Variants in OTUD7A observed in about 807,000 individuals in gnomAD.
OTUD7A encodes OTU deubiquitinase 7A, also known as OTU domain-containing protein 7A.
In OTUD7A, 12 loss-of-function variants were observed where a neutral mutation model predicts 65.7. That is an observed-to-expected ratio of 0.18 (90% CI 0.12 to 0.30). OTUD7A has a LOEUF of 0.30. Ranked by LOEUF, OTUD7A falls within the 10% of genes least tolerant of loss-of-function variation. OTUD7A has a pLI of 1.00. For synonymous variants in OTUD7A, 641 were observed against 586.3 expected (o/e 1.09, Z -1.35); for missense variants, 1,148 against 1,304.8 (o/e 0.88, Z 1.85).
At chr15:31,737,179 T>C (rs73378614) in intron 1 of OTUD7A, among the ~76,000 whole-genome samples, 4,651 of 152,268 alleles carry the variant, frequency 0.031, 240 homozygotes, top group African/African-American at 0.11. Flanking sequence ...AACCAGATAA[T>C]GTTTCTTAAT....
intron 1 of OTUD7A, among the ~76,000 whole-genome samples, chr15:31,657,527 T>A (rs532111915): frequency 6.7e-6 from 1 of 150,302 alleles, no homozygotes; most frequent in South Asian, 2.2e-4. Flanking sequence ...CCAGCTAATT[T>A]TTTTTTTGTA....
At chr15:31,817,063 G>T (rs1397758805) in intron 1 of OTUD7A, among the ~76,000 whole-genome samples, 1 of 152,102 alleles carries the variant, frequency 6.6e-6, no homozygotes, top group Non-Finnish European at 1.5e-5. Flanking sequence ...AAATAATGAA[G>T]TGATGCAGCT....
chr15:31,797,659 C>T (rs1391467060), intron 1 of OTUD7A, among the ~76,000 whole-genome samples: 2 of 152,186 alleles, frequency 1.3e-5, no homozygotes, highest in East Asian at 3.9e-4. Flanking sequence ...CAAAGGGAGT[C>T]GCCCGCCTTC....
intron 1 of OTUD7A, among the ~76,000 whole-genome samples, chr15:31,864,792 CACAA>C (rs773336904): frequency 9.1e-5 from 13 of 142,126 alleles, no homozygotes; most frequent in South Asian, 4.5e-4. Context: ...CACACACACA[CACAA>C]GTCAAAGCAA....
intron 1 of OTUD7A, among the ~76,000 whole-genome samples, chr15:31,768,658 G>GAA (rs56953817): frequency 7.5e-6 from 1 of 133,606 alleles, no homozygotes; most frequent in Admixed American, 7.5e-5. Flanking sequence ...CCATCACAAA[G>GAA]AAAAAAAAAA....
chr15:31,791,080 G>A (rs1895801619), intron 1 of OTUD7A, among the ~76,000 whole-genome samples: 1 of 152,160 alleles, frequency 6.6e-6, no homozygotes, highest in Admixed American at 6.5e-5. Context: ...AGGCTGGAGT[G>A]CAGTGGCTCG....
At chr15:31,810,833 T>TCTCCTAG (rs1210505769) in intron 1 of OTUD7A, among the ~76,000 whole-genome samples, 1 of 152,146 alleles carries the variant, frequency 6.6e-6, no homozygotes, top group Non-Finnish European at 1.5e-5. Flanking sequence ...AAAGTCAGTC[T>TCTCCTAG]CTCCTAGCTC....
In OTUD7A at chr15:31,477,822, G is replaced by C. The variant is rs1341906182; in HGVS notation, c.*5472C>G. The C allele has an allele frequency of 7.3e-6, 1 of 136,752 alleles. No individual in the cohort carries two copies. Among genetic ancestry groups the C allele is most frequent in the African/African-American group, 2.7e-5 (1 of 37,054 alleles). 8.5% of individuals were successfully genotyped at this position (136,752 alleles called of 1,614,324 possible). ...GGAGGCGAGAATCAAATAAATGGAT[G>C]AATGATTAACATCTGCAGCACTCAG... On this transcript the variant is annotated 3_prime_UTR_variant, in exon 13 of 13. Coordinates refer to ENST00000307050, the MANE Select transcript of OTUD7A (RefSeq NM_001382637.1).
At chr15:31,591,695 T>C (rs1889729194) in intron 3 of OTUD7A, among the ~76,000 whole-genome samples, 1 of 152,242 alleles carries the variant, frequency 6.6e-6, no homozygotes, top group African/African-American at 2.4e-5. Context: ...ACTCTCTCTA[T>C]AATATACATG....
chr15:31,543,776 G>A (rs1050883466), intron 5 of OTUD7A, among the ~76,000 whole-genome samples: 5 of 151,792 alleles, frequency 3.3e-5, no homozygotes, highest in Non-Finnish European at 7.4e-5. Flanking sequence ...AATAAAAGGA[G>A]ATATAGACAA....
chr15:31,752,744 G>A (rs546191639), intron 1 of OTUD7A, among the ~76,000 whole-genome samples: 2 of 152,200 alleles, frequency 1.3e-5, no homozygotes, highest in African/African-American at 4.8e-5. Context: ...AATGTTGACT[G>A]GAAAGCAACA....
At chr15:31,520,725 T>G (rs1027718826) in intron 8 of OTUD7A, among the ~76,000 whole-genome samples, 1 of 152,178 alleles carries the variant, frequency 6.6e-6, no homozygotes, top group African/African-American at 2.4e-5. Flanking sequence ...GAAAACAGTG[T>G]GGAGATTTCT....
Position 31,519,823 on chromosome 15 carries a change from T to A in OTUD7A, c.893+6526A>T, listed in dbSNP as rs75983194. ...AAAGTTTCAGGATACAACATTAACATAATGAAAGCAGTAGCATTTCTATAT... is the reference window on the plus strand; with the variant it reads ...AAAGTTTCAGGATACAACATTAACAAAATGAAAGCAGTAGCATTTCTATAT... On this transcript the variant is annotated intron_variant, in intron 8 of 12. Transcript: ENST00000307050. 3.2e-3 allele frequency among the ~76,000 whole-genome samples: 485 copies of A among 152,322 alleles called. 2 individuals are homozygous for A. Among genetic ancestry groups the A allele is most frequent in the African/African-American group, 0.011 (455 of 41,570 alleles).
intron 5 of OTUD7A, among the ~76,000 whole-genome samples, chr15:31,542,049 C>G (rs1888002396): frequency 6.6e-6 from 1 of 152,060 alleles, no homozygotes. Flanking sequence ...AAGGTAATTC[C>G]TCTTGGGAAA....
chr15:31,642,171 T>A (rs557510626), intron 3 of OTUD7A, among the ~76,000 whole-genome samples: 2 of 152,216 alleles, frequency 1.3e-5, no homozygotes, highest in East Asian at 3.8e-4. Flanking sequence ...ACTGAGATGA[T>A]TGTATACCTT....
chr15:31,780,025 G>C (rs1895495523), intron 1 of OTUD7A, among the ~76,000 whole-genome samples: 1 of 152,128 alleles, frequency 6.6e-6, no homozygotes, highest in Non-Finnish European at 1.5e-5. Flanking sequence ...CAAGGAGGGA[G>C]CATGTCATCC....
intron 3 of OTUD7A, among the ~76,000 whole-genome samples, chr15:31,588,029 C>T (rs936558612): frequency 6.6e-6 from 1 of 151,994 alleles, no homozygotes; most frequent in Admixed American, 6.6e-5. Flanking sequence ...TGGTATAATC[C>T]CTACAGAAAT....
intron 1 of OTUD7A, among the ~76,000 whole-genome samples, chr15:31,695,091 C>A (rs1472605514): frequency 6.6e-6 from 1 of 152,180 alleles, no homozygotes; most frequent in Non-Finnish European, 1.5e-5. Context: ...GCGATCCGCC[C>A]ACCTCGGCCT....
Position 31,651,545 on chromosome 15 carries a change from T to A in OTUD7A, c.151+3551A>T, listed in dbSNP as rs1477010290. 3.4e-5 allele frequency among the ~76,000 whole-genome samples: 5 copies of A among 148,866 alleles called. No homozygotes were observed. In the South Asian group the frequency reaches 1.1e-3, roughly 32 times the overall value. ...AAACTGTCCTTACTCACAGATAACA[T>A]GATCACCTATGTAGAAAATCCCAAG... On this transcript the variant is annotated intron_variant, in intron 3 of 12. Coordinates refer to ENST00000307050, the MANE Select transcript of OTUD7A (RefSeq NM_001382637.1).
Sources: gnomAD v4.1 joint callset for allele counts (sites outside exome capture counted in the v4.1 genomes callset) on GRCh38, gnomAD v4.1.1 for gene constraint, MANE v1.5 for transcripts, NCBI Gene and HGNC (gene_info 2026-07-23, HGNC 2026-07-21) for gene names.